PCDHGA10: variants seen among roughly 807,000 people sequenced by gnomAD.
The protein encoded by PCDHGA10 is protocadherin gamma-A10.
Under a neutral mutation model 59.5 loss-of-function variants are expected in PCDHGA10, and 42 were observed. The ratio of observed to expected loss-of-function variants is 0.71; its 90% confidence interval spans 0.55 to 0.91. PCDHGA10 has a LOEUF of 0.91. Among genes scored for constraint, PCDHGA10 ranks in the 40% least tolerant of loss-of-function variants. The pLI is 0.00. For missense variants in PCDHGA10, 1,111 were observed against 1,198.2 expected (o/e 0.93, Z 1.07); for synonymous variants, 511 against 517.2 (o/e 0.99, Z 0.16).
rs544856148 is a variant in PCDHGA10 at position 141,413,873 on chromosome 5, G to A, written c.698G>A (p.Ser233Asn). ...CTCCGATCTGGCACTGTCCTTGTCAGTGTGACTGTCTTCGATGCAAATGAC... is the reference window on the plus strand; with the variant it reads ...CTCCGATCTGGCACTGTCCTTGTCAATGTGACTGTCTTCGATGCAAATGAC... ...DPLRSGTVLVSVTVFDANDNA... is the reference protein window; with the variant it reads ...DPLRSGTVLVNVTVFDANDNA... Residue 233 changes from serine (S) to asparagine (N), a missense_variant, in exon 1 of 4, where the codon AGT becomes AAT. By Grantham distance (46) the Ser-to-Asn change is conservative. Coordinates refer to ENST00000398610, the MANE Select transcript of PCDHGA10 (RefSeq NM_018913.3). 4 of 1,613,372 alleles carry A rather than the reference G, an allele frequency of 2.5e-6. No individual in the cohort carries two copies. The highest frequency in any genetic ancestry group is 1.7e-5 in the Admixed American group (1 of 60,010).
intron 1 of PCDHGA10, chr5:141,433,069 C>T (rs561950316): frequency 2.5e-6 from 4 of 1,614,080 alleles, no homozygotes; most frequent in African/African-American, 1.3e-5. Context: ...ACCTGATCTT[C>T]CCCCAGCCCA....
intron 1 of PCDHGA10, 33 bp downstream of exon 1, chr5:141,415,644 A>G: frequency 6.2e-7 from 1 of 1,600,070 alleles, no homozygotes; most frequent in Non-Finnish European, 8.5e-7. Flanking sequence ...CTTTTGTTAA[A>G]AAAAAAAAGA....
At chr5:141,504,429 G>T (rs947508365) in intron 2 of PCDHGA10, among the ~76,000 whole-genome samples, 1 of 152,124 alleles carries the variant, frequency 6.6e-6, no homozygotes, top group Non-Finnish European at 1.5e-5. Context: ...CACTACAACA[G>T]CTGCAGTGTG....
At position 141,433,290 on chromosome 5, in the gene PCDHGA10, C is replaced by T. The variant is rs186668064; in HGVS notation, c.2436+17679C>T. ...CTCACTGCAGCCTCAAACTCCTAGG[C>T]TCAAGCAATTATCCCACCTTTGCCT... On this transcript the variant is annotated intron_variant, in intron 1 of 3. Transcript: ENST00000398610. The T allele has an allele frequency of 1.6e-3, 1,738 of 1,107,746 alleles. 60 individuals carry two copies. In the Admixed American group the frequency reaches 0.041, roughly 26 times the overall value. 68.6% of individuals were successfully genotyped at this position (1,107,746 alleles called of 1,614,324 possible). A position where few individuals can be genotyped will look rare whatever the true frequency, so the allele number is the denominator to read the frequency against.
chr5:141,456,389 TTTGA>T (rs1181323617), intron 1 of PCDHGA10, among the ~76,000 whole-genome samples: 2 of 152,074 alleles, frequency 1.3e-5, no homozygotes, highest in Non-Finnish European at 2.9e-5. Flanking sequence ...CCGTTTGGAG[TTTGA>T]TTGCTTCTAG....
intron 1 of PCDHGA10, among the ~76,000 whole-genome samples, chr5:141,470,737 G>A (rs117064561): frequency 6.6e-6 from 1 of 152,016 alleles, no homozygotes; most frequent in African/African-American, 2.4e-5. Flanking sequence ...TTGCTCTGTC[G>A]CCCTGGCTGG....
At chr5:141,469,012 C>T (rs1196140759) in intron 1 of PCDHGA10, among the ~76,000 whole-genome samples, 1 of 151,852 alleles carries the variant, frequency 6.6e-6, no homozygotes, top group Non-Finnish European at 1.5e-5. Flanking sequence ...TGCGGTGGGT[C>T]ACTCCTGTAA....
chr5:141,436,743 C>A (rs991678215), intron 1 of PCDHGA10, among the ~76,000 whole-genome samples: 3 of 152,158 alleles, frequency 2.0e-5, no homozygotes, highest in Non-Finnish European at 4.4e-5. Flanking sequence ...TTTTTGTGTG[C>A]TTCTCCATAT....
chr5:141,459,025 A>C (rs2098959135), intron 1 of PCDHGA10, among the ~76,000 whole-genome samples: 1 of 152,336 alleles, frequency 6.6e-6, no homozygotes, highest in Non-Finnish European at 1.5e-5. Flanking sequence ...GAGCCACCAC[A>C]TCCAGCCTTA....
chr5:141,419,123 A>G (rs2096330317), intron 1 of PCDHGA10: 1 of 1,613,766 alleles, frequency 6.2e-7, no homozygotes, highest in African/African-American at 1.3e-5. Context: ...CAACGTCACC[A>G]TCGCAGCCAC....
rs771256149 is a variant in PCDHGA10 at position 141,414,351 on chromosome 5, G to C, written c.1176G>C (p.Ala392=). 2 of 1,613,676 alleles carry C rather than the reference G, an allele frequency of 1.2e-6. No individual in the cohort carries two copies. The highest frequency in any genetic ancestry group is 1.7e-6 in the Non-Finnish European group (2 of 1,179,866). ...QNGQVTCSIL[A]YLPFKLEKSI... ...GACAGGTAACCTGTTCCATTTTGGC[G>C]TATCTACCATTTAAATTAGAAAAGT... is the stretch of plus-strand genomic sequence containing the variant. The change falls in exon 1 of 4, where the codon GCG becomes GCC. Residue 392 remains alanine (A), a synonymous_variant. Transcript: ENST00000398610.
chr5:141,488,186 G>T (rs1005725656), intron 1 of PCDHGA10, among the ~76,000 whole-genome samples: 2 of 152,180 alleles, frequency 1.3e-5, no homozygotes, highest in South Asian at 2.1e-4. Context: ...AGATCTTTTG[G>T]TCTGGGTCTT....
At position 141,462,908 on chromosome 5, in the gene PCDHGA10, T is replaced by G. The variant is rs186061013; in HGVS notation, c.2437-31899T>G. ...AGTTTGTTTTGGAAGGCTATTATGT[T>G]TTTTGCAGATCAGGTTGATCTTTTC... On this transcript the variant is annotated intron_variant, in intron 1 of 3. Coordinates refer to ENST00000398610, the MANE Select transcript of PCDHGA10 (RefSeq NM_018913.3). Among the ~76,000 whole-genome samples the G allele has an allele frequency of 1.4e-4, 21 of 152,362 alleles. No individual in the cohort carries two copies. The East Asian group carries it at 3.5e-3, about 25-fold the overall frequency.
rs1243958567 is a variant in PCDHGA10, at chr5:141,418,557, T to C, written c.2436+2946T>C. 4.3e-6 allele frequency: 7 copies of C among 1,613,860 alleles called. No homozygotes were observed. The East Asian group carries it at 1.6e-4, about 36-fold the overall frequency. On this transcript the variant is annotated intron_variant, in intron 1 of 3. Coordinates refer to ENST00000398610, the MANE Select transcript of PCDHGA10 (RefSeq NM_018913.3). ...ACTGCTCAGATAAGAATCCTGGTAA[T>C]AGATGCCAATGACAACCCCCCAGTG... is the stretch of plus-strand genomic sequence containing the variant.
rs1193417991 is a variant in PCDHGA10 at position 141,491,413 on chromosome 5, G to T, written c.2437-3394G>T. The T allele has an allele frequency of 6.2e-7, 1 of 1,614,064 alleles. No individual in the cohort carries two copies. Among genetic ancestry groups the T allele is most frequent in the South Asian group, 1.1e-5 (1 of 91,074 alleles). ...CCTTCAGGGAAACGCAGACGGGGAC[G>T]GGGGTGGAGGGCAGTGCTGCAGGCG... On this transcript the variant is annotated intron_variant, in intron 1 of 3. Transcript: ENST00000398610. This position sits in a 1 kb window ranked among gnomAD's most constrained non-coding sequence, Gnocchi z 6.9.
chr5:141,420,401 A>G, intron 1 of PCDHGA10: 1 of 1,249,172 alleles, frequency 8.0e-7, no homozygotes. Flanking sequence ...GGTCAAATTT[A>G]TGGTTATCAT....
chr5:141,427,377 A>C, intron 1 of PCDHGA10: 1 of 458,500 alleles, frequency 2.2e-6, no homozygotes, highest in Non-Finnish European at 4.4e-6. Flanking sequence ...GACGGTGATC[A>C]CTCTGTTCAA....
chr5:141,501,290 T>C lies in PCDHGA10; in HGVS notation c.2496-4103T>C, dbSNP rs796726601. Among the ~76,000 whole-genome samples, 19 of 136,248 alleles carry C rather than the reference T, an allele frequency of 1.4e-4. No individual in the cohort carries two copies. The South Asian group carries it at 2.4e-3, about 17-fold the overall frequency. 89.4% of individuals were successfully genotyped at this position (136,248 alleles called of 152,430 possible). ...GTCCAGTCTATGGGATATTCCCTTA[T>C]ACACACACACACACACACACACACA... On this transcript the variant is annotated intron_variant, in intron 2 of 3. Coordinates refer to ENST00000398610, the MANE Select transcript of PCDHGA10 (RefSeq NM_018913.3).
intron 1 of PCDHGA10, among the ~76,000 whole-genome samples, chr5:141,437,036 G>A (rs916860661): frequency 6.6e-6 from 1 of 152,294 alleles, no homozygotes; most frequent in Middle Eastern, 3.4e-3. Flanking sequence ...ATGGATCACC[G>A]AAACCAGAAG....
Sources: gnomAD v4.1 joint callset for allele counts (sites outside exome capture counted in the v4.1 genomes callset) on GRCh38, gnomAD v4.1.1 for gene constraint, Gnocchi (gnomAD v3.1) non-coding constraint, MANE v1.5 for transcripts, NCBI Gene and HGNC (gene_info 2026-07-23, HGNC 2026-07-21) for gene names.